Variants in UTRN observed in about 807,000 individuals in gnomAD.
The protein encoded by UTRN is dystrophin-related protein 1.
Under a neutral mutation model 463.9 loss-of-function variants are expected in UTRN, and 283 were observed. The observed-to-expected ratio is 0.61, with a 90% CI of 0.55 to 0.67. The LOEUF (loss-of-function observed/expected upper bound fraction) is 0.67, where lower values mean the gene tolerates loss of function less well. Among genes scored for constraint, UTRN ranks in the 30% least tolerant of loss-of-function variants. UTRN has a pLI of 0.00. For synonymous variants in UTRN, 1,442 were observed against 1,431.5 expected (o/e 1.01, Z -0.17); for missense variants, 3,922 against 4,084.3 (o/e 0.96, Z 1.08).
chr6:144,673,709 T>C (rs1366148069), intron 51 of UTRN, among the ~76,000 whole-genome samples: 1 of 152,198 alleles, frequency 6.6e-6, no homozygotes, highest in Non-Finnish European at 1.5e-5. Flanking sequence ...ATACCCTTTT[T>C]TAAAAAATTG....
chr6:144,708,316 C>T (rs1004506738), intron 53 of UTRN: 6 of 665,996 alleles, frequency 9.0e-6, no homozygotes. Flanking sequence ...ATGTATAAAC[C>T]AAGAAGTCTT....
intron 51 of UTRN, among the ~76,000 whole-genome samples, chr6:144,625,564 A>G (rs1775858693): frequency 6.6e-6 from 1 of 152,232 alleles, no homozygotes; most frequent in East Asian, 1.9e-4. Flanking sequence ...ATTCATTTAG[A>G]TTTTTCAAAG....
At chr6:144,657,088 T>TA (rs1353019516) in intron 51 of UTRN, among the ~76,000 whole-genome samples, 2 of 151,892 alleles carry the variant, frequency 1.3e-5, no homozygotes, top group Non-Finnish European at 2.9e-5. Flanking sequence ...CCGTCTCTAC[T>TA]AAAAATACAA....
chr6:144,421,875 C>G lies in UTRN; in HGVS notation c.142-3C>G. 6.2e-7 allele frequency: 1 copy of G among 1,608,016 alleles called. No individual in the cohort carries two copies. The highest frequency in any genetic ancestry group is 8.5e-7 in the Non-Finnish European group (1 of 1,177,376). On this transcript the variant is annotated splice_region_variant and splice_polypyrimidine_tract_variant and intron_variant, in intron 3 of 74. Coordinates refer to ENST00000367545, the MANE Select transcript of UTRN (RefSeq NM_007124.3). ...ATATTTTATTTGTGTTTTTCTTTTA[C>G]AGAGTGGGAAACCACCCATCAATGA...
intron 3 of UTRN, among the ~76,000 whole-genome samples, chr6:144,416,064 T>G (rs1784338637): frequency 6.6e-6 from 1 of 152,084 alleles, no homozygotes; most frequent in Non-Finnish European, 1.5e-5. Context: ...TGTGTGTGTG[T>G]GTGTGTGTGG....
intron 63 of UTRN, among the ~76,000 whole-genome samples, chr6:144,796,618 A>G (rs1003313416): frequency 6.6e-6 from 1 of 152,224 alleles, no homozygotes; most frequent in Non-Finnish European, 1.5e-5. Context: ...GAAACTGAGA[A>G]AGCACTTTCA....
chr6:144,817,694 A>G (rs1336816722), intron 65 of UTRN, among the ~76,000 whole-genome samples: 2 of 152,220 alleles, frequency 1.3e-5, no homozygotes, highest in Non-Finnish European at 2.9e-5. Context: ...CTGAAGAATT[A>G]CATTCTGATA....
At chr6:144,428,371 G>A (rs988401251) in intron 7 of UTRN, among the ~76,000 whole-genome samples, 4 of 147,238 alleles carry the variant, frequency 2.7e-5, no homozygotes, top group African/African-American at 1.0e-4. Flanking sequence ...ATATATTTAG[G>A]TTCATTTTTA....
intron 17 of UTRN, among the ~76,000 whole-genome samples, 179 bp from the exon 18 acceptor site, chr6:144,451,191 A>G (rs2128557137): frequency 6.6e-6 from 1 of 152,312 alleles, no homozygotes; most frequent in African/African-American, 2.4e-5. Context: ...TACTCTTTTC[A>G]TACTTTTAGT....
chr6:144,360,112 CCCTT>C (rs141412102), intron 2 of UTRN, among the ~76,000 whole-genome samples: 3 of 120,412 alleles, frequency 2.5e-5, no homozygotes, highest in Non-Finnish European at 3.3e-5. Context: ...CTCCCCTCCC[CCCTT>C]CCTTCCTTCC....
chr6:144,774,833 T>C (rs1305044836), intron 60 of UTRN, among the ~76,000 whole-genome samples: 1 of 152,232 alleles, frequency 6.6e-6, no homozygotes, highest in Non-Finnish European at 1.5e-5. Context: ...TTTAAATATA[T>C]CTTGAGACAT....
intron 35 of UTRN, among the ~76,000 whole-genome samples, chr6:144,512,820 G>A (rs893258237): frequency 2.0e-5 from 3 of 151,990 alleles, no homozygotes; most frequent in African/African-American, 4.8e-5. Flanking sequence ...GATTACAGGC[G>A]TGAGCCACCA....
At chr6:144,401,192 A>AT (rs11393205) in intron 2 of UTRN, among the ~76,000 whole-genome samples, 13,888 of 152,090 alleles carry the variant, frequency 0.091, 2,107 homozygotes, top group African/African-American at 0.31. Flanking sequence ...ACCTTTCTAT[A>AT]TTTTTTTATT....
chr6:144,516,715 T>C, intron 38 of UTRN, 96 bp from the exon 39 acceptor site: 1 of 1,020,826 alleles, frequency 9.8e-7, no homozygotes, highest in Non-Finnish European at 1.3e-6. Flanking sequence ...ACGTATACTA[T>C]ACTAAGTAGG....
intron 47 of UTRN, among the ~76,000 whole-genome samples, chr6:144,549,571 G>T (rs1798719095): frequency 6.6e-6 from 1 of 152,192 alleles, no homozygotes; most frequent in Non-Finnish European, 1.5e-5. Flanking sequence ...GAGTGCATAT[G>T]AGTTGACAAA....
chr6:144,784,208 C>T (rs1383227411), intron 61 of UTRN, among the ~76,000 whole-genome samples: 5 of 152,208 alleles, frequency 3.3e-5, no homozygotes, highest in African/African-American at 4.8e-5. Context: ...AGAAGAGGTT[C>T]AGTTGCCTTA....
intron 51 of UTRN, among the ~76,000 whole-genome samples, chr6:144,672,633 CT>C (rs1273126490): frequency 2.3e-4 from 35 of 151,958 alleles, no homozygotes; most frequent in Admixed American, 4.6e-4. Flanking sequence ...GTTTCACTTA[CT>C]TTTTGTGTTT....
chr6:144,610,561 T>C (rs1367273934), intron 51 of UTRN, among the ~76,000 whole-genome samples: 1 of 152,080 alleles, frequency 6.6e-6, no homozygotes, highest in East Asian at 1.9e-4. Flanking sequence ...CCAAACTAAT[T>C]TTACAAAGCT....
At chr6:144,317,524 A>G (rs1775359374) in intron 2 of UTRN, among the ~76,000 whole-genome samples, 3 of 151,864 alleles carry the variant, frequency 2.0e-5, no homozygotes, top group Non-Finnish European at 4.4e-5. Context: ...TACCTCCTAA[A>G]TAGCTGGGAT....
Sources: allele counts gnomAD v4.1 joint callset (sites outside exome capture counted in the v4.1 genomes callset), GRCh38; gene constraint gnomAD v4.1.1; transcripts MANE v1.5; gene names NCBI Gene and HGNC (gene_info 2026-07-23, HGNC 2026-07-21).